Variants in KIF13A observed in about 807,000 individuals in gnomAD.
The protein encoded by KIF13A is kinesin-like protein KIF13A.
A neutral mutation model predicts 212.2 loss-of-function variants in KIF13A; 79 were observed. That is an observed-to-expected ratio of 0.37 (90% CI 0.31 to 0.45). The LOEUF (loss-of-function observed/expected upper bound fraction) is 0.45. KIF13A is among the 20% of genes least tolerant of loss of function. The pLI is 1.00. For missense variants in KIF13A, 1,901 were observed against 2,209.0 expected (o/e 0.86, Z 2.79); for synonymous variants, 789 against 808.6 (o/e 0.98, Z 0.41).
chr6:17,814,524 G>A (rs912671479), intron 17 of KIF13A, among the ~76,000 whole-genome samples: 1 of 152,002 alleles, frequency 6.6e-6, no homozygotes, highest in Non-Finnish European at 1.5e-5. Flanking sequence ...TGGGATTACA[G>A]GCGTGAGCCA....
intron 18 of KIF13A, among the ~76,000 whole-genome samples, chr6:17,805,922 A>ATTTT (rs58290591): frequency 5.0e-4 from 69 of 139,316 alleles, no homozygotes; most frequent in African/African-American, 9.1e-4. Context: ...CATAAGCACG[A>ATTTT]TTTTTTTTTT....
intron 16 of KIF13A, among the ~76,000 whole-genome samples, chr6:17,818,205 T>C (rs72837276): frequency 0.085 from 12,997 of 152,294 alleles, 753 homozygotes; most frequent in Middle Eastern, 0.14. Context: ...CAGACCAGCC[T>C]GGGACATGAT....
Position 17,984,582 on chromosome 6 carries a change from TC to T in KIF13A, c.146+2471del. The T allele has an allele frequency of 1.0e-6, 1 of 980,708 alleles. No individual in the cohort carries two copies. The highest frequency in any genetic ancestry group is 1.2e-6 in the Non-Finnish European group (1 of 825,880). The allele number at this position is 980,708 out of a possible 1,614,324, so 60.8% of individuals were successfully genotyped here. ...GGGGAAACAATGAAAGCTGACCCCATCTGTTTTTTTTTTTTTTCCCTGGACG... is the reference window on the plus strand; with the variant it reads ...GGGGAAACAATGAAAGCTGACCCCATTGTTTTTTTTTTTTTTCCCTGGACG... On this transcript the variant is annotated intron_variant, in intron 2 of 38. Transcript: ENST00000259711. The surrounding 1 kb of genome is among the most constrained non-coding windows in gnomAD (Gnocchi z 5.0).
chr6:17,957,689 A>T (rs1283680002), intron 2 of KIF13A, among the ~76,000 whole-genome samples: 2 of 152,158 alleles, frequency 1.3e-5, no homozygotes, highest in African/African-American at 2.4e-5. Flanking sequence ...ACTGAATCAG[A>T]GGACACCCAG....
At chr6:17,827,733 G>T (rs1229066564) in intron 14 of KIF13A, among the ~76,000 whole-genome samples, 1 of 151,670 alleles carries the variant, frequency 6.6e-6, no homozygotes, top group Non-Finnish European at 1.5e-5. Context: ...TACTGCCCAG[G>T]TTAGTCTTGA....
chr6:17,925,989 T>G (rs1196410690), intron 2 of KIF13A, among the ~76,000 whole-genome samples: 1 of 152,128 alleles, frequency 6.6e-6, no homozygotes, highest in Non-Finnish European at 1.5e-5. Context: ...ACCCAACTCT[T>G]AAAGAGAATC....
Position 17,926,865 on chromosome 6 carries a change from C to T in KIF13A, c.147-28685G>A, listed in dbSNP as rs917191992. Among the ~76,000 whole-genome samples, 9 of 152,004 alleles carry T rather than the reference C, an allele frequency of 5.9e-5. No homozygotes were observed. The highest frequency in any genetic ancestry group is 1.9e-4 in the African/African-American group (8 of 41,384). On this transcript the variant is annotated intron_variant, in intron 2 of 38. Coordinates refer to ENST00000259711, the MANE Select transcript of KIF13A (RefSeq NM_022113.6). This position sits in a 1 kb window ranked among gnomAD's most constrained non-coding sequence, Gnocchi z 4.3. The stretch of plus-strand genomic sequence containing the variant: ...AAGAAGAGAAAGCAGGGACTGGGCG[C>T]GGTGGCTCATACCTGTAATCTCGGC...
In KIF13A at chr6:17,935,612, G is replaced by A. The variant is rs552245727; in HGVS notation, c.147-37432C>T. On this transcript the variant is annotated intron_variant, in intron 2 of 38. Transcript: ENST00000259711. ...CTAAGCACCAATTTCCCATAAAAAGGAGGGGGAATTTAAATTCTCTCATAA... is the reference window on the plus strand; with the variant it reads ...CTAAGCACCAATTTCCCATAAAAAGAAGGGGGAATTTAAATTCTCTCATAA... Among the ~76,000 whole-genome samples, 3 of 152,300 alleles carry A rather than the reference G, an allele frequency of 2.0e-5. No individual in the cohort carries two copies. The South Asian group carries it at 6.2e-4, about 32-fold the overall frequency.
rs1460737532 is a variant in KIF13A at position 17,934,374 on chromosome 6, T to C, written c.147-36194A>G. Among the ~76,000 whole-genome samples the C allele has an allele frequency of 3.9e-5, 6 of 152,116 alleles. No individual in the cohort carries two copies. The highest frequency in any genetic ancestry group is 8.8e-5 in the Non-Finnish European group (6 of 68,024). ...CGGCTGAACACCATCCCATTCCTAA[T>C]TAGGAACTTTCAACTCTCCCTATGC... On this transcript the variant is annotated intron_variant, in intron 2 of 38. Coordinates refer to ENST00000259711, the MANE Select transcript of KIF13A (RefSeq NM_022113.6). This position sits in a 1 kb window ranked among gnomAD's most constrained non-coding sequence, Gnocchi z 5.4.
chr6:17,805,937 T>TTTTGA (rs1762904745), intron 18 of KIF13A, among the ~76,000 whole-genome samples: 1 of 123,078 alleles, frequency 8.1e-6, no homozygotes, highest in African/African-American at 2.9e-5. Flanking sequence ...TTTTTTTTTT[T>TTTTGA]GAGATAGGAT....
At position 17,764,961 on chromosome 6, in the gene KIF13A, C is replaced by A; in HGVS notation, c.4582-15G>T. ...TCCTCAGAGTCCTATAGAAGTGAAG[C>A]AAAAGTCAGTCATTAGCTCCTTGTA... On this transcript the variant is annotated splice_polypyrimidine_tract_variant and intron_variant, in intron 38 of 38. Transcript: ENST00000259711. This position sits in a 1 kb window ranked among gnomAD's most constrained non-coding sequence, Gnocchi z 5.1. 2 of 1,576,188 alleles carry A rather than the reference C, an allele frequency of 1.3e-6. No individual in the cohort carries two copies. The highest frequency in any genetic ancestry group is 1.7e-6 in the Non-Finnish European group (2 of 1,161,160).
At chr6:17,966,912 A>C (rs762571432) in intron 2 of KIF13A, among the ~76,000 whole-genome samples, 6 of 152,236 alleles carry the variant, frequency 3.9e-5, no homozygotes, top group Non-Finnish European at 7.3e-5. Flanking sequence ...CAGCGTGCCC[A>C]AAATCACCCA....
intron 2 of KIF13A, among the ~76,000 whole-genome samples, chr6:17,931,666 A>G (rs1027319908): frequency 1.3e-5 from 2 of 152,186 alleles, no homozygotes; most frequent in Non-Finnish European, 2.9e-5. Flanking sequence ...GACTTCAGGC[A>G]TGCACCACCT....
chr6:17,823,455 T>C (rs998742233), intron 16 of KIF13A, among the ~76,000 whole-genome samples: 3 of 144,618 alleles, frequency 2.1e-5, no homozygotes, highest in African/African-American at 7.6e-5. Context: ...CCTCTCTTTT[T>C]CCTTCCTTCC....
rs1772938539 is a variant in KIF13A, at chr6:17,900,321, T to C, written c.147-2141A>G. ...TCAGTAGTACGTTCACCTTCTTAGCTGTCAATAACAAAATTATCCTTTCTT... is the reference window on the plus strand; with the variant it reads ...TCAGTAGTACGTTCACCTTCTTAGCCGTCAATAACAAAATTATCCTTTCTT... On this transcript the variant is annotated intron_variant, in intron 2 of 38. Transcript: ENST00000259711. The surrounding 1 kb of genome is among the most constrained non-coding windows in gnomAD (Gnocchi z 4.6). Among the ~76,000 whole-genome samples, 1 of 152,248 alleles carries C rather than the reference T, an allele frequency of 6.6e-6. No homozygotes were observed. Among genetic ancestry groups the C allele is most frequent in the African/African-American group, 2.4e-5 (1 of 41,464 alleles).
chr6:17,959,353 A>G (rs759940754), intron 2 of KIF13A, among the ~76,000 whole-genome samples: 1 of 152,120 alleles, frequency 6.6e-6, no homozygotes, highest in Non-Finnish European at 1.5e-5. Flanking sequence ...TTTGCAAATT[A>G]CTCTTTATTA....
rs1322358633 is a variant in KIF13A, at chr6:17,982,589, C to T, written c.146+4465G>A. ...ACAGGAAGCTAAAAACTTTCATGCT[C>T]TTCTACCGAGAGCCCATATTTAGCC... On this transcript the variant is annotated intron_variant, in intron 2 of 38. Coordinates refer to ENST00000259711, the MANE Select transcript of KIF13A (RefSeq NM_022113.6). The surrounding 1 kb of genome is among the most constrained non-coding windows in gnomAD (Gnocchi z 5.1). Among the ~76,000 whole-genome samples, 1 of 152,202 alleles carries T rather than the reference C, an allele frequency of 6.6e-6. No homozygotes were observed. The highest frequency in any genetic ancestry group is 2.4e-5 in the African/African-American group (1 of 41,460).
intron 2 of KIF13A, among the ~76,000 whole-genome samples, chr6:17,904,416 C>T (rs1191457923): frequency 1.3e-5 from 2 of 151,880 alleles, no homozygotes; most frequent in African/African-American, 2.4e-5. Context: ...TGCAGTGAGC[C>T]GAGATTGCAC....
chr6:17,892,942 C>T lies in KIF13A; in HGVS notation c.159+5226G>A, dbSNP rs924691289. ...AAATTATGGAACCTGAGGAGGGGGA[C>T]ACGGGAACTCTTGATTTATAGCCGG... is the stretch of plus-strand genomic sequence containing the variant. On this transcript the variant is annotated intron_variant, in intron 3 of 38. Coordinates refer to ENST00000259711, the MANE Select transcript of KIF13A (RefSeq NM_022113.6). The surrounding 1 kb of genome is among the most constrained non-coding windows in gnomAD (Gnocchi z 4.7). 2.6e-5 allele frequency among the ~76,000 whole-genome samples: 4 copies of T among 152,154 alleles called. No homozygotes were observed. Among genetic ancestry groups the T allele is most frequent in the Admixed American group, 2.0e-4 (3 of 15,268 alleles).
Sources: allele counts gnomAD v4.1 joint callset (sites outside exome capture counted in the v4.1 genomes callset), GRCh38; gene constraint gnomAD v4.1.1; non-coding constraint Gnocchi (gnomAD v3.1); transcripts MANE v1.5; gene names NCBI Gene and HGNC (gene_info 2026-07-23, HGNC 2026-07-21).